Variants in PCBP3 observed in about 807,000 individuals in gnomAD.
The protein encoded by PCBP3 is poly(rC)-binding protein 3.
In PCBP3, 25 loss-of-function variants were observed where a neutral mutation model predicts 52.7. The observed-to-expected ratio is 0.47, with a 90% CI of 0.35 to 0.66. The LOEUF is 0.66. Ranked by LOEUF, PCBP3 falls within the 30% of genes least tolerant of loss-of-function variation. PCBP3 has a pLI of 0.01. For synonymous variants in PCBP3, 162 were observed against 183.0 expected, an observed-to-expected ratio of 0.89 and a Z score of 0.93; for missense variants, 391 against 490.3, an observed-to-expected ratio of 0.80 and a Z score of 1.91.
In PCBP3 at chr21:45,741,575, T is replaced by TG. The variant is rs2086453591; in HGVS notation, c.-162+6147dup. 6.6e-6 allele frequency among the ~76,000 whole-genome samples: 1 copy of TG among 152,166 alleles called. No individual in the cohort carries two copies. Among genetic ancestry groups the TG allele is most frequent in the African/African-American group, 2.4e-5 (1 of 41,436 alleles). On this transcript the variant is annotated intron_variant, in intron 3 of 17. Coordinates refer to ENST00000681687, the MANE Select transcript of PCBP3 (RefSeq NM_001384156.1). This position sits in a 1 kb window ranked among gnomAD's most constrained non-coding sequence, Gnocchi z 4.5. ...CTAAGAGCTCAGGGAAGGATTGTGA[T>TG]GTAGGGGGCAAGGGAGGGGTAGGGC...
intron 4 of PCBP3, among the ~76,000 whole-genome samples, chr21:45,820,050 C>T (rs993791806): frequency 6.6e-6 from 1 of 152,242 alleles, no homozygotes; most frequent in African/African-American, 2.4e-5. Flanking sequence ...AGGACTGTTG[C>T]GGGTCTTCCC....
chr21:45,816,078 G>A (rs1269582817), intron 4 of PCBP3, among the ~76,000 whole-genome samples: 1 of 107,116 alleles, frequency 9.3e-6, no homozygotes, highest in East Asian at 2.8e-4. Context: ...AGTGAGTGGT[G>A]AGTGATGAGT....
chr21:45,930,688 T>C (rs1450647972), intron 14 of PCBP3, 98 bp from the exon 15 acceptor site: 1 of 645,086 alleles, frequency 1.6e-6, no homozygotes, highest in East Asian at 2.7e-5. Context: ...AGAGCGCCGG[T>C]GCGTGCGCCA....
At chr21:45,732,405 C>G (rs1307037881) in intron 2 of PCBP3, among the ~76,000 whole-genome samples, 1 of 151,876 alleles carries the variant, frequency 6.6e-6, no homozygotes, top group East Asian at 1.9e-4. Context: ...CATAGGTACC[C>G]AGTTTTGATT....
chr21:45,929,532 T>C (rs2075902852), intron 13 of PCBP3, among the ~76,000 whole-genome samples: 1 of 152,194 alleles, frequency 6.6e-6, no homozygotes. Flanking sequence ...GACTCGGCCT[T>C]GAATCTCCTA....
chr21:45,716,452 G>A (rs1457958900), intron 2 of PCBP3, among the ~76,000 whole-genome samples: 3 of 152,130 alleles, frequency 2.0e-5, no homozygotes, highest in African/African-American at 7.2e-5. Flanking sequence ...GAAGCCAGAG[G>A]TCTAAAATCA....
At chr21:45,922,914 A>G (rs1281257423) in intron 13 of PCBP3, among the ~76,000 whole-genome samples, 2 of 152,356 alleles carry the variant, frequency 1.3e-5, no homozygotes, top group East Asian at 3.9e-4. Context: ...TCAAGCGGAC[A>G]CCAGTGTCTA....
In PCBP3 at chr21:45,735,797, G is replaced by T. The variant is rs562066422; in HGVS notation, c.-162+368G>T. 6.6e-6 allele frequency among the ~76,000 whole-genome samples: 1 copy of T among 152,198 alleles called. No individual in the cohort carries two copies. Among genetic ancestry groups the T allele is most frequent in the Non-Finnish European group, 1.5e-5 (1 of 68,024 alleles). ...CACGAGCCTACCGCACAAGCCTACC[G>T]CACGCCTTTGTTCTTGTGCCAACAG... On this transcript the variant is annotated intron_variant, in intron 3 of 17. Transcript: ENST00000681687. This position sits in a 1 kb window ranked among gnomAD's most constrained non-coding sequence, Gnocchi z 4.0.
At chr21:45,895,607 G>C (rs532510980) in intron 5 of PCBP3, among the ~76,000 whole-genome samples, 17 of 152,260 alleles carry the variant, frequency 1.1e-4, no homozygotes, top group Non-Finnish European at 2.2e-4. Context: ...GCACACAGTA[G>C]TGACACGATG....
At chr21:45,726,427 C>A (rs2085048039) in intron 2 of PCBP3, among the ~76,000 whole-genome samples, 1 of 152,106 alleles carries the variant, frequency 6.6e-6, no homozygotes, top group African/African-American at 2.4e-5. Context: ...CCAGAAGAGA[C>A]TGGTGTGGTT....
At chr21:45,798,643 T>G (rs1444133488) in intron 4 of PCBP3, among the ~76,000 whole-genome samples, 2 of 151,712 alleles carry the variant, frequency 1.3e-5, no homozygotes, top group Non-Finnish European at 2.9e-5. Flanking sequence ...CATGGATGAA[T>G]GCATGGATCC....
At chr21:45,926,636 G>A (rs1347808732) in intron 13 of PCBP3, among the ~76,000 whole-genome samples, 1 of 152,198 alleles carries the variant, frequency 6.6e-6, no homozygotes, top group Non-Finnish European at 1.5e-5. Context: ...GCCTGGGAGA[G>A]GGCAGATGCT....
intron 3 of PCBP3, among the ~76,000 whole-genome samples, chr21:45,743,855 C>T (rs1003543116): frequency 1.3e-5 from 2 of 151,970 alleles, no homozygotes; most frequent in Non-Finnish European, 2.9e-5. Context: ...TTTTTCTATC[C>T]TTTAAATAAC....
chr21:45,902,273 T>C (rs1267452135), intron 9 of PCBP3, among the ~76,000 whole-genome samples: 1 of 59,918 alleles, frequency 1.7e-5, no homozygotes, highest in Non-Finnish European at 3.1e-5. Context: ...CTGGGGCCAG[T>C]GTTCCCCTAT....
In PCBP3 at chr21:45,913,958, C is replaced by T. The variant is rs777599575; in HGVS notation, c.608C>T (p.Pro203Leu). Residue 203 changes from proline (P) to leucine (L), a missense_variant, in exon 12 of 18, where the codon CCG (proline) becomes CTG (leucine). Coordinates refer to ENST00000681687, the MANE Select transcript of PCBP3 (RefSeq NM_001384156.1). ...QICVVMLESP[P>L]KGATIPYRPK... is the part of the protein sequence containing the mutation. Reference sequence around the variant, plus strand: ...TCCTGTCCCTTTTCCTAGTCCCCACCGAAAGGTGCCACCATTCCCTACCGC... The same window carrying T: ...TCCTGTCCCTTTTCCTAGTCCCCACTGAAAGGTGCCACCATTCCCTACCGC... 10 of 1,611,968 alleles carry T rather than the reference C, an allele frequency of 6.2e-6. No individual in the cohort carries two copies. Among genetic ancestry groups the T allele is most frequent in the South Asian group, 1.1e-5 (1 of 90,858 alleles).
intron 3 of PCBP3, among the ~76,000 whole-genome samples, chr21:45,740,479 T>C (rs1208671046): frequency 6.6e-6 from 1 of 152,256 alleles, no homozygotes; most frequent in Non-Finnish European, 1.5e-5. Flanking sequence ...AAGATGTTTT[T>C]AAAGGGCAAA....
chr21:45,708,917 T>C (rs968053640), intron 2 of PCBP3, among the ~76,000 whole-genome samples: 6 of 152,040 alleles, frequency 3.9e-5, no homozygotes, highest in Non-Finnish European at 7.4e-5. Context: ...GGCAGGCCCA[T>C]GTGTGTGCAG....
chr21:45,699,213 G>A (rs2082963044), intron 2 of PCBP3, among the ~76,000 whole-genome samples: 1 of 152,190 alleles, frequency 6.6e-6, no homozygotes, highest in Non-Finnish European at 1.5e-5. Flanking sequence ...TCCCCAGCGA[G>A]GCATGGCCTA....
chr21:45,892,520 G>A (rs1303781589), intron 5 of PCBP3, among the ~76,000 whole-genome samples: 4 of 102,660 alleles, frequency 3.9e-5, no homozygotes, highest in Admixed American at 2.8e-4. Flanking sequence ...GCGCAGTCCC[G>A]TCTCTCGCGG....
Sources: allele counts gnomAD v4.1 joint callset (sites outside exome capture counted in the v4.1 genomes callset), GRCh38; gene constraint gnomAD v4.1.1; non-coding constraint Gnocchi (gnomAD v3.1); transcripts MANE v1.5; gene names NCBI Gene and HGNC (gene_info 2026-07-23, HGNC 2026-07-21).